PRIM2: variants seen among roughly 807,000 people sequenced by gnomAD.
PRIM2 encodes DNA primase subunit 2, also known as DNA primase large subunit.
Under a neutral mutation model 67.3 loss-of-function variants are expected in PRIM2, and 39 were observed. That is an observed-to-expected ratio of 0.58 (90% CI 0.45 to 0.76). The LOEUF is 0.76. Ranked by LOEUF, PRIM2 falls within the 30% of genes least tolerant of loss-of-function variation. The pLI is 0.00. For missense variants in PRIM2, 398 were observed against 598.7 expected (o/e 0.66, Z 3.50); for synonymous variants, 143 against 198.7 (o/e 0.72, Z 2.36).
chr6:57,268,593 T>C, the PRIM2 span, among the ~76,000 whole-genome samples: 1 of 152,068 alleles, frequency 6.6e-6, no homozygotes, highest in East Asian at 1.9e-4. Flanking sequence ...TATATGTATA[T>C]ATATATGGCA....
At chr6:57,606,603 A>G (rs1467986599) in intron 12 of PRIM2, 146 bp downstream of exon 12, 85 of 545,496 alleles carry the variant, frequency 1.6e-4, no homozygotes, top group Non-Finnish European at 2.6e-4. Flanking sequence ...TTAAGTTAAA[A>G]CCTTGACTTA....
chr6:57,297,249 C>T, the PRIM2 span, among the ~76,000 whole-genome samples: 2 of 152,094 alleles, frequency 1.3e-5, no homozygotes, highest in Admixed American at 1.3e-4. Context: ...TGAGACCAGC[C>T]TGGCTAACAT....
At chr6:57,345,474 A>ATATGTGTGTGTGTG (rs1554327210) in intron 5 of PRIM2, among the ~76,000 whole-genome samples, 1 of 124,594 alleles carries the variant, frequency 8.0e-6, no homozygotes, top group Non-Finnish European at 1.7e-5. Flanking sequence ...ATATATATAT[A>ATATGTGTGTGTGTG]TGTGTGTGTG....
At chr6:57,441,996 A>G (rs1772216717) in intron 7 of PRIM2, among the ~76,000 whole-genome samples, 1 of 152,210 alleles carries the variant, frequency 6.6e-6, no homozygotes, top group African/African-American at 2.4e-5. Context: ...AAAGAAAAAA[A>G]AATAGGACAT....
chr6:57,359,660 G>A (rs1000662289), intron 5 of PRIM2, among the ~76,000 whole-genome samples: 4 of 152,266 alleles, frequency 2.6e-5, no homozygotes, highest in Admixed American at 1.3e-4. Context: ...AGCAATCAGT[G>A]TATCCTAAAT....
At chr6:57,597,617 T>A (rs1485119148) in intron 10 of PRIM2, among the ~76,000 whole-genome samples, 4 of 152,206 alleles carry the variant, frequency 2.6e-5, no homozygotes, top group Non-Finnish European at 5.9e-5. Context: ...TCCCTATAGA[T>A]TAGGATAATT....
chr6:57,540,664 A>G (rs1775129356), intron 10 of PRIM2, among the ~76,000 whole-genome samples: 1 of 152,196 alleles, frequency 6.6e-6, no homozygotes, highest in South Asian at 2.1e-4. Context: ...ACAGAAATCT[A>G]TTGCAAAAAG....
intron 7 of PRIM2, among the ~76,000 whole-genome samples, chr6:57,460,720 A>C (rs1772977078): frequency 6.6e-6 from 1 of 151,880 alleles, no homozygotes; most frequent in Non-Finnish European, 1.5e-5. Flanking sequence ...AATATCATTA[A>C]TTTTATAAGA....
intron 7 of PRIM2, among the ~76,000 whole-genome samples, chr6:57,492,103 C>T (rs1554346013): frequency 1.5e-4 from 23 of 152,228 alleles, no homozygotes; most frequent in Middle Eastern, 3.4e-3. Context: ...AGAGGTTGTC[C>T]GGGGACCCTT....
chr6:57,433,644 T>A (rs1251002261), intron 7 of PRIM2, among the ~76,000 whole-genome samples: 1 of 152,102 alleles, frequency 6.6e-6, no homozygotes, highest in African/African-American at 2.4e-5. Flanking sequence ...TGGCCAGAAG[T>A]TTCAATGGTT....
intron 7 of PRIM2, among the ~76,000 whole-genome samples, chr6:57,409,292 C>A (rs183573581): frequency 3.3e-5 from 5 of 152,046 alleles, no homozygotes; most frequent in African/African-American, 1.2e-4. Context: ...TCTTCTGCCT[C>A]GGCCTCCCAA....
chr6:57,320,450 T>C lies in PRIM2; in HGVS notation c.155-7T>C, dbSNP rs1433119870. 1 of 1,571,008 alleles carries C rather than the reference T, an allele frequency of 6.4e-7. No individual in the cohort carries two copies. The highest frequency in any genetic ancestry group is 1.2e-5 in the South Asian group (1 of 84,270). Reference sequence around the variant, plus strand: ...TCTTGCATTTATACCTTTTTTCTTTTTTTTAGTGTTAAAATCAGTTGAAAA... The same window carrying C: ...TCTTGCATTTATACCTTTTTTCTTTCTTTTAGTGTTAAAATCAGTTGAAAA... On this transcript the variant is annotated splice_region_variant and splice_polypyrimidine_tract_variant and intron_variant, in intron 2 of 13. Transcript: ENST00000615550.
chr6:57,352,212 G>GT (rs1768879470), intron 5 of PRIM2, among the ~76,000 whole-genome samples: 1 of 152,096 alleles, frequency 6.6e-6, no homozygotes. Context: ...TGTAATTCAC[G>GT]TTTGAGTATT....
intron 5 of PRIM2, among the ~76,000 whole-genome samples, chr6:57,357,623 C>T (rs1193750086): frequency 2.8e-5 from 4 of 141,294 alleles, no homozygotes; most frequent in African/African-American, 1.1e-4. Flanking sequence ...GAGACAGTTT[C>T]GCTCTTGTTG....
intron 5 of PRIM2, among the ~76,000 whole-genome samples, chr6:57,359,833 A>G (rs1769139878): frequency 6.6e-6 from 1 of 152,218 alleles, no homozygotes; most frequent in Admixed American, 6.5e-5. Flanking sequence ...AAATGGGAAA[A>G]TTGTTGATAA....
At chr6:57,479,440 C>T (rs1375409458) in intron 7 of PRIM2, among the ~76,000 whole-genome samples, 3 of 152,176 alleles carry the variant, frequency 2.0e-5, no homozygotes, top group Non-Finnish European at 4.4e-5. Context: ...TTATTCATAG[C>T]CCTTTTATGA....
chr6:57,408,706 T>C (rs1660991800), intron 7 of PRIM2, among the ~76,000 whole-genome samples: 1 of 152,108 alleles, frequency 6.6e-6, no homozygotes, highest in African/African-American at 2.4e-5. Context: ...CTTTCGACAT[T>C]CATCTATGTT....
intron 8 of PRIM2, among the ~76,000 whole-genome samples, chr6:57,525,066 C>T (rs1413521316): frequency 4.7e-4 from 72 of 152,132 alleles, no homozygotes; most frequent in African/African-American, 1.7e-3. Flanking sequence ...CCCCCACCCC[C>T]TGCCCACCTG....
rs1274381471 is a variant in PRIM2 at position 57,451,077 on chromosome 6, A to C, written c.694-56310A>C. On this transcript the variant is annotated intron_variant, in intron 7 of 13. Transcript: ENST00000615550. ...CTATTTAATGAGTTTATGTATATTT[A>C]ATGTTTTTGATGATGCATGAATGTT... 1.1e-3 allele frequency among the ~76,000 whole-genome samples: 167 copies of C among 152,260 alleles called. 1 individual carries two copies. Among genetic ancestry groups the C allele is most frequent in the Non-Finnish European group, 2.1e-3 (142 of 68,016 alleles).
Sources: allele counts gnomAD v4.1 joint callset (sites outside exome capture counted in the v4.1 genomes callset), GRCh38; gene constraint gnomAD v4.1.1; transcripts MANE v1.5; gene names NCBI Gene and HGNC (gene_info 2026-07-23, HGNC 2026-07-21).